The following SLC35F1 variants were observed in gnomAD, a reference collection of about 807,000 sequenced individuals.
SLC35F1 encodes the protein chromosome 6 open reading frame 169.
SLC35F1 carries 14 observed loss-of-function variants against 48.7 expected under a neutral mutation model. That is an observed-to-expected ratio of 0.29 (90% CI 0.19 to 0.45). SLC35F1 has a LOEUF of 0.45. SLC35F1 is among the 20% of genes least tolerant of loss of function. The pLI is 1.00. For missense variants in SLC35F1, 404 were observed against 500.0 expected, an observed-to-expected ratio of 0.81 and a Z score of 1.83; for synonymous variants, 190 against 202.2, an observed-to-expected ratio of 0.94 and a Z score of 0.51.
At chr6:117,987,321 CTTG>C (rs1776860459) in intron 1 of SLC35F1, among the ~76,000 whole-genome samples, 1 of 150,546 alleles carries the variant, frequency 6.6e-6, no homozygotes, top group Non-Finnish European at 1.5e-5. Flanking sequence ...TCCTTCTCCT[CTTG>C]TTCTTTTTCT....
chr6:117,950,746 G>C (rs1199380319), intron 1 of SLC35F1, among the ~76,000 whole-genome samples: 2 of 152,154 alleles, frequency 1.3e-5, no homozygotes, highest in Non-Finnish European at 2.9e-5. Flanking sequence ...CAATTTAAAT[G>C]AGTATTGAAC....
intron 1 of SLC35F1, among the ~76,000 whole-genome samples, chr6:117,942,475 A>C (rs891888652): frequency 6.6e-6 from 1 of 152,232 alleles, no homozygotes; most frequent in Non-Finnish European, 1.5e-5. Flanking sequence ...TTCTAGAATT[A>C]ACCTCCATTC....
intron 1 of SLC35F1, among the ~76,000 whole-genome samples, chr6:117,993,976 A>T (rs1219522862): frequency 9.9e-5 from 15 of 152,224 alleles, no homozygotes; most frequent in Non-Finnish European, 1.5e-5. Context: ...GTGGGCTTAG[A>T]TGGTTTCTCT....
Position 118,081,707 on chromosome 6 carries a change from C to A in SLC35F1, c.174-72738C>A, listed in dbSNP as rs139013593. ...TTTTTCTGCAAATGGTATAATCTGG[C>A]CCATTCTTTCAGAGTGATGTGCTCA... On this transcript the variant is annotated intron_variant, in intron 1 of 7. Coordinates refer to ENST00000360388, the MANE Select transcript of SLC35F1 (RefSeq NM_001029858.4). Among the ~76,000 whole-genome samples the A allele has an allele frequency of 1.1e-3, 168 of 152,296 alleles. 1 individual carries two copies. The highest frequency in any genetic ancestry group is 3.9e-3 in the African/African-American group (163 of 41,572).
rs1772991686 is a variant in SLC35F1 at position 118,086,453 on chromosome 6, CTT to C, written c.174-67989_174-67988del. Among the ~76,000 whole-genome samples, 3 of 152,332 alleles carry C rather than the reference CTT, an allele frequency of 2.0e-5. No homozygotes were observed. The South Asian group carries it at 6.2e-4, about 32-fold the overall frequency. The stretch of plus-strand genomic sequence containing the variant: ...CTCACTCAGAGCAGCCATGTGCTCT[CTT>C]TTGTTATCCTTCACCTCCCTCAAAT... On this transcript the variant is annotated intron_variant, in intron 1 of 7. Transcript: ENST00000360388.
At chr6:118,158,860 A>G (rs1301414416) in intron 2 of SLC35F1, among the ~76,000 whole-genome samples, 1 of 152,322 alleles carries the variant, frequency 6.6e-6, no homozygotes. Context: ...AGCAAATTTT[A>G]AGTCTAGCCC....
intron 2 of SLC35F1, among the ~76,000 whole-genome samples, chr6:118,199,496 T>C (rs1274816368): frequency 6.6e-6 from 1 of 152,264 alleles, no homozygotes; most frequent in Non-Finnish European, 1.5e-5. Flanking sequence ...GGATAAATTT[T>C]TTAAAATGAT....
At chr6:117,959,466 G>A (rs1180722311) in intron 1 of SLC35F1, among the ~76,000 whole-genome samples, 1 of 152,168 alleles carries the variant, frequency 6.6e-6, no homozygotes, top group Non-Finnish European at 1.5e-5. Flanking sequence ...ATCTCTGTCT[G>A]TAGGGCCAGA....
intron 3 of SLC35F1, among the ~76,000 whole-genome samples, chr6:118,243,200 C>T (rs1187981035): frequency 2.0e-5 from 3 of 152,088 alleles, no homozygotes; most frequent in South Asian, 2.1e-4. Flanking sequence ...AATTAATTTC[C>T]GTAGGCTAAG....
At chr6:118,035,984 A>G (rs1378425495) in intron 1 of SLC35F1, among the ~76,000 whole-genome samples, 6 of 152,046 alleles carry the variant, frequency 3.9e-5, no homozygotes. Flanking sequence ...GAGCCACCGC[A>G]CCCAGACAAG....
chr6:117,947,803 G>C (rs1776314087), intron 1 of SLC35F1, among the ~76,000 whole-genome samples: 1 of 152,120 alleles, frequency 6.6e-6, no homozygotes, highest in African/African-American at 2.4e-5. Flanking sequence ...AGGCAATTGA[G>C]TATAGGAGTC....
At chr6:118,247,970 T>A (rs537885512) in intron 3 of SLC35F1, among the ~76,000 whole-genome samples, 6 of 152,226 alleles carry the variant, frequency 3.9e-5, no homozygotes, top group Non-Finnish European at 8.8e-5. Context: ...TCTTTCCAAA[T>A]AGTAAAACCT....
intron 2 of SLC35F1, among the ~76,000 whole-genome samples, chr6:118,216,882 G>C (rs1446154837): frequency 6.6e-6 from 1 of 152,072 alleles, no homozygotes; most frequent in East Asian, 1.9e-4. Context: ...ACATAATAAG[G>C]CATGTGTCCC....
intron 1 of SLC35F1, among the ~76,000 whole-genome samples, chr6:118,046,972 A>G (rs200942213): frequency 6.6e-6 from 1 of 150,654 alleles, no homozygotes; most frequent in Admixed American, 6.6e-5. Flanking sequence ...TAAAAAAATC[A>G]TATTTAGTCT....
intron 1 of SLC35F1, among the ~76,000 whole-genome samples, chr6:118,070,889 GT>G (rs1451803821): frequency 6.8e-5 from 4 of 59,028 alleles, no homozygotes; most frequent in Admixed American, 5.3e-4. Flanking sequence ...TATATACATA[GT>G]AAATATATAT....
intron 2 of SLC35F1, among the ~76,000 whole-genome samples, chr6:118,169,806 T>C (rs2114493566): frequency 6.6e-6 from 1 of 152,340 alleles, no homozygotes; most frequent in Non-Finnish European, 1.5e-5. Context: ...GTGATTATTT[T>C]CCATTTCTAT....
chr6:117,994,759 G>A (rs1418296218), intron 1 of SLC35F1, among the ~76,000 whole-genome samples: 1 of 152,142 alleles, frequency 6.6e-6, no homozygotes, highest in Admixed American at 6.5e-5. Flanking sequence ...GAATAATTTG[G>A]TGGGTTAAAT....
At position 117,914,497 on chromosome 6, in the gene SLC35F1, TCTC is replaced by T. The variant is rs576449366; in HGVS notation, c.173+6602_173+6604del. On this transcript the variant is annotated intron_variant, in intron 1 of 7. Transcript: ENST00000360388. ...ACTCTGGTCTGTCGTATAAGATAGA[TCTC>T]CTCACATTCATTGATTCATTCATGC... 2.7e-4 allele frequency among the ~76,000 whole-genome samples: 41 copies of T among 152,306 alleles called. No individual in the cohort carries two copies. In the South Asian group the frequency reaches 7.9e-3, roughly 29 times the overall value.
chr6:118,048,214 G>C (rs1311291214), intron 1 of SLC35F1, among the ~76,000 whole-genome samples: 1 of 152,140 alleles, frequency 6.6e-6, no homozygotes, highest in African/African-American at 2.4e-5. Flanking sequence ...AACCAGCCTT[G>C]CATCCCAGGG....
Sources: allele counts gnomAD v4.1 joint callset (sites outside exome capture counted in the v4.1 genomes callset), GRCh38; gene constraint gnomAD v4.1.1; transcripts MANE v1.5; gene names NCBI Gene and HGNC (gene_info 2026-07-23, HGNC 2026-07-21).